Variants in GNAI1 observed in about 807,000 individuals in gnomAD.
The protein encoded by GNAI1 is guanine nucleotide-binding protein G(i) subunit alpha-1.
In GNAI1, 11 loss-of-function variants were observed where a neutral mutation model predicts 38.9. That is an observed-to-expected ratio of 0.28 (90% CI 0.18 to 0.47). The LOEUF (loss-of-function observed/expected upper bound fraction) is 0.47. Among genes scored for constraint, GNAI1 ranks in the 20% least tolerant of loss-of-function variants. The pLI, the probability that GNAI1 is intolerant of heterozygous loss-of-function variation, is 0.99. For missense variants in GNAI1, 317 were observed against 436.9 expected, an observed-to-expected ratio of 0.73 and a Z score of 2.45; for synonymous variants, 166 against 145.1, an observed-to-expected ratio of 1.14 and a Z score of -1.04.
intron 6 of GNAI1, among the ~76,000 whole-genome samples, chr7:80,211,740 A>C (rs1486353914): frequency 2.0e-5 from 3 of 152,052 alleles, no homozygotes; most frequent in Non-Finnish European, 2.9e-5. Context: ...AATATATGTT[A>C]TGCTTTGTTG....
At chr7:80,141,501 A>C (rs184347843) in intron 1 of GNAI1, among the ~76,000 whole-genome samples, 3 of 152,312 alleles carry the variant, frequency 2.0e-5, no homozygotes, top group Admixed American at 1.3e-4. Context: ...AGCACTTTCA[A>C]AACTCCTTTA....
chr7:80,157,123 C>T (rs1787832347), intron 1 of GNAI1, among the ~76,000 whole-genome samples: 1 of 152,184 alleles, frequency 6.6e-6, no homozygotes, highest in South Asian at 2.1e-4. Flanking sequence ...TATTCTCCCT[C>T]CTACCTTATG....
intron 1 of GNAI1, among the ~76,000 whole-genome samples, chr7:80,146,804 A>G (rs1787631118): frequency 6.6e-6 from 1 of 152,232 alleles, no homozygotes; most frequent in African/African-American, 2.4e-5. Context: ...CATGAAACCT[A>G]TCACTTTATC....
chr7:80,204,468 G>C (rs1788739417), intron 5 of GNAI1, among the ~76,000 whole-genome samples: 1 of 152,082 alleles, frequency 6.6e-6, no homozygotes, highest in South Asian at 2.1e-4. Context: ...GCTCAGGAAA[G>C]TTTAGTAAAA....
At chr7:80,200,129 A>G (rs1041608358) in intron 4 of GNAI1, among the ~76,000 whole-genome samples, 3 of 151,548 alleles carry the variant, frequency 2.0e-5, no homozygotes, top group Non-Finnish European at 2.9e-5. Context: ...CCATCTGGGT[A>G]ACTTAACGAG....
At position 80,135,172 on chromosome 7, in the gene GNAI1, G is replaced by C; in HGVS notation, c.12G>C (p.Thr4=). 1 of 1,536,298 alleles carries C rather than the reference G, an allele frequency of 6.5e-7. No homozygotes were observed. The highest frequency in any genetic ancestry group is 8.8e-7 in the Non-Finnish European group (1 of 1,142,104). The change falls in exon 1 of 8, where the codon ACG becomes ACC. Residue 4 remains threonine, a synonymous_variant. Coordinates refer to ENST00000649796, the MANE Select transcript of GNAI1 (RefSeq NM_002069.6). The stretch of plus-strand genomic sequence containing the variant: ...TCGCTTTCGGCACCATGGGCTGCAC[G>C]CTGAGCGCCGAGGACAAGGCGGCGG... MGC[T]LSAEDKAAVE...
In GNAI1 at chr7:80,221,570, T is replaced by A. The variant is rs1218184870; in HGVS notation, c.*4077T>A. On this transcript the variant is annotated 3_prime_UTR_variant, in exon 8 of 8. Coordinates refer to ENST00000649796, the MANE Select transcript of GNAI1 (RefSeq NM_002069.6). The stretch of plus-strand genomic sequence containing the variant: ...CAATCTCTAATCAACTTGAGGACAC[T>A]TCTGTCGTTTTAATGTAACCAATAG... 6.6e-6 allele frequency among the ~76,000 whole-genome samples: 1 copy of A among 152,000 alleles called. No individual in the cohort carries two copies. Among genetic ancestry groups the A allele is most frequent in the South Asian group, 2.1e-4 (1 of 4,818 alleles).
chr7:80,148,592 C>T (rs1787670087), intron 1 of GNAI1, among the ~76,000 whole-genome samples: 1 of 152,042 alleles, frequency 6.6e-6, no homozygotes, highest in East Asian at 1.9e-4. Context: ...AGATAAGCAA[C>T]TTAACTTTTA....
Position 80,135,182 on chromosome 7 carries a change from G to A in GNAI1, c.22G>A (p.Glu8Lys). 1 of 1,544,416 alleles carries A rather than the reference G, an allele frequency of 6.5e-7. No individual in the cohort carries two copies. The highest frequency in any genetic ancestry group is 8.7e-7 in the Non-Finnish European group (1 of 1,146,358). MGCTLSA[E>K]DKAAVERSKM... ...CACCATGGGCTGCACGCTGAGCGCC[G>A]AGGACAAGGCGGCGGTGGAGCGGAG... Residue 8 changes from glutamate (E) to lysine (K), a missense_variant, in exon 1 of 8, where the codon GAG (glutamate) becomes AAG (lysine). Physicochemically the swap from Glu to Lys is moderately conservative, Grantham distance 56 (BLOSUM62 1). Transcript: ENST00000649796.
In GNAI1 at chr7:80,169,859, A is replaced by G. The variant is rs189743958; in HGVS notation, c.119-19092A>G. Among the ~76,000 whole-genome samples, 316 of 152,200 alleles carry G rather than the reference A, an allele frequency of 2.1e-3. 1 individual carries two copies. Among genetic ancestry groups the G allele is most frequent in the Admixed American group, 5.6e-3 (86 of 15,280 alleles). On this transcript the variant is annotated intron_variant, in intron 1 of 7. Transcript: ENST00000649796. ...CCCACAAAACCCACACCCTTACTCA[A>G]CCACTGGTCTACGTTCTGTCTCTAT...
intron 1 of GNAI1, among the ~76,000 whole-genome samples, chr7:80,183,120 A>C (rs576527965): frequency 2.8e-4 from 42 of 152,292 alleles, no homozygotes; most frequent in Admixed American, 1.2e-3. Flanking sequence ...CAGAAGGCCT[A>C]TTTTGTTTTC....
Position 80,222,913 on chromosome 7 carries a change from A to T in GNAI1, c.*5420A>T, listed in dbSNP as rs2115744973. Among the ~76,000 whole-genome samples the T allele has an allele frequency of 6.6e-6, 1 of 152,226 alleles. No individual in the cohort carries two copies. The highest frequency in any genetic ancestry group is 1.9e-4 in the East Asian group (1 of 5,160). ...GCATTTAATACACCTAACCTACCAA[A>T]TGTAGCTTAGCCTGGCCTAACTTAA... is the stretch of plus-strand genomic sequence containing the variant. On this transcript the variant is annotated 3_prime_UTR_variant, in exon 8 of 8. Coordinates refer to ENST00000649796, the MANE Select transcript of GNAI1 (RefSeq NM_002069.6).
chr7:80,170,818 C>T lies in GNAI1; in HGVS notation c.119-18133C>T, dbSNP rs1031868274. On this transcript the variant is annotated intron_variant, in intron 1 of 7. Coordinates refer to ENST00000649796, the MANE Select transcript of GNAI1 (RefSeq NM_002069.6). ...GATTACAATTTGTCATGAGATTTGG[C>T]TGGGGACACAGACCCAAACCATATT... 2.6e-5 allele frequency among the ~76,000 whole-genome samples: 4 copies of T among 152,134 alleles called. No individual in the cohort carries two copies. In the East Asian group the frequency reaches 7.7e-4, roughly 29 times the overall value.
rs1789145320 is a variant in GNAI1 at position 80,225,532 on chromosome 7, C to T, written c.*8039C>T. 6.6e-6 allele frequency among the ~76,000 whole-genome samples: 1 copy of T among 152,038 alleles called. No individual in the cohort carries two copies. Among genetic ancestry groups the T allele is most frequent in the African/African-American group, 2.4e-5 (1 of 41,390 alleles). On this transcript the variant is annotated 3_prime_UTR_variant, in exon 8 of 8. Coordinates refer to ENST00000649796, the MANE Select transcript of GNAI1 (RefSeq NM_002069.6). ...TTCTTTCTCCACACCTCCCACAGGA[C>T]TGGGCTGAGCACAGTCATGCATTAA... is the stretch of plus-strand genomic sequence containing the variant.
rs528136225 is a variant in GNAI1 at position 80,219,002 on chromosome 7, G to A, written c.*1509G>A. 3 of 148,770 alleles carry A rather than the reference G, an allele frequency of 2.0e-5. No homozygotes were observed. Among genetic ancestry groups the A allele is most frequent in the Non-Finnish European group, 1.5e-5 (1 of 67,438 alleles). 9.2% of individuals were successfully genotyped at this position (148,770 alleles called of 1,614,324 possible). Reference sequence around the variant, plus strand: ...TGCTGGTAAGTAGTTTCCAAGTTACGTGTTGTCACTGGGTTGAAGTATATT... The same window carrying A: ...TGCTGGTAAGTAGTTTCCAAGTTACATGTTGTCACTGGGTTGAAGTATATT... On this transcript the variant is annotated 3_prime_UTR_variant, in exon 8 of 8. Coordinates refer to ENST00000649796, the MANE Select transcript of GNAI1 (RefSeq NM_002069.6).
intron 4 of GNAI1, among the ~76,000 whole-genome samples, chr7:80,202,247 G>A (rs1014577806): frequency 6.6e-6 from 1 of 151,850 alleles, no homozygotes; most frequent in Admixed American, 6.6e-5. Flanking sequence ...GCCTCACCAC[G>A]TCCAGCTGAT....
At position 80,224,605 on chromosome 7, in the gene GNAI1, GA is replaced by G. The variant is rs1789129469; in HGVS notation, c.*7113del. The stretch of plus-strand genomic sequence containing the variant: ...TGAACAGATGTTAATAAGTATGCAT[GA>G]TGCACATTAGCATGTCAATGGCTGT... On this transcript the variant is annotated 3_prime_UTR_variant, in exon 8 of 8. Transcript: ENST00000649796. Among the ~76,000 whole-genome samples, 3 of 152,206 alleles carry G rather than the reference GA, an allele frequency of 2.0e-5. No individual in the cohort carries two copies. The highest frequency in any genetic ancestry group is 2.9e-5 in the Non-Finnish European group (2 of 68,036).
At chr7:80,195,534 A>G (rs1375710861) in intron 3 of GNAI1, among the ~76,000 whole-genome samples, 6 of 152,068 alleles carry the variant, frequency 3.9e-5, no homozygotes, top group Non-Finnish European at 8.8e-5. Flanking sequence ...GACTGGTTCA[A>G]CATACGCAAA....
At position 80,217,436 on chromosome 7, in the gene GNAI1, T is replaced by C. The variant is rs1788992568; in HGVS notation, c.1008T>C (p.Phe336=). 6.2e-7 allele frequency: 1 copy of C among 1,611,192 alleles called. No individual in the cohort carries two copies. The highest frequency in any genetic ancestry group is 1.3e-5 in the African/African-American group (1 of 74,818). The change falls in exon 8 of 8, where the codon TTT becomes TTC. Residue 336 remains phenylalanine, a synonymous_variant. Coordinates refer to ENST00000649796, the MANE Select transcript of GNAI1 (RefSeq NM_002069.6). ...ATDTKNVQFV[F]DAVTDVIIKN... ...ATACTAAGAATGTGCAGTTTGTTTT[T>C]GATGCTGTAACAGATGTCATCATAA... is the stretch of plus-strand genomic sequence containing the variant.
Sources: allele counts gnomAD v4.1 joint callset (sites outside exome capture counted in the v4.1 genomes callset), GRCh38; gene constraint gnomAD v4.1.1; transcripts MANE v1.5; gene names NCBI Gene and HGNC (gene_info 2026-07-23, HGNC 2026-07-21).